Variants in VAT1L observed in about 807,000 individuals in gnomAD.
The protein encoded by VAT1L is vesicle amine transport 1 like, also known as putative NADPH-dependent quinone oxidoreductase VAT1L.
In VAT1L, 34 loss-of-function variants were observed where a neutral mutation model predicts 44.1. The ratio of observed to expected loss-of-function variants is 0.77; its 90% CI spans 0.59 to 1.03. The LOEUF is 1.03. Ranked by LOEUF, VAT1L falls within the 50% of genes least tolerant of loss-of-function variation. The probability of loss-of-function intolerance (pLI) is 0.00; values close to 1 mark genes in which losing one functional copy is unlikely to be tolerated. For missense variants in VAT1L, 615 were observed against 538.8 expected (o/e 1.14, Z -1.40); for synonymous variants, 253 against 202.2 (o/e 1.25, Z -2.13).
In VAT1L at chr16:77,856,954, G is replaced by C. The variant is rs138736603; in HGVS notation, c.580-5794G>C. Among the ~76,000 whole-genome samples the C allele has an allele frequency of 3.9e-3, 596 of 152,254 alleles. 3 individuals are homozygous for C. Among genetic ancestry groups the C allele is most frequent in the South Asian group, 0.017 (81 of 4,820 alleles). ...TTTCTCTCTGAATCCCCATGTTTACGTATGAAAAGAAGACACAAATACTTA... is the reference window on the plus strand; with the variant it reads ...TTTCTCTCTGAATCCCCATGTTTACCTATGAAAAGAAGACACAAATACTTA... On this transcript the variant is annotated intron_variant, in intron 3 of 8. Transcript: ENST00000302536.
chr16:77,906,064 G>C (rs899369974), intron 7 of VAT1L, among the ~76,000 whole-genome samples: 8 of 152,160 alleles, frequency 5.3e-5, no homozygotes, highest in Non-Finnish European at 8.8e-5. Context: ...TGTCCCCCCA[G>C]TAATGAGTGT....
chr16:77,940,347 T>G (rs1597110457), intron 7 of VAT1L, among the ~76,000 whole-genome samples: 1 of 145,892 alleles, frequency 6.9e-6, no homozygotes, highest in Non-Finnish European at 1.5e-5. Context: ...TTGGTTTTTT[T>G]TTTTTTTTTT....
At chr16:77,935,465 G>C (rs2017783098) in intron 7 of VAT1L, among the ~76,000 whole-genome samples, 1 of 144,366 alleles carries the variant, frequency 6.9e-6, no homozygotes, top group Non-Finnish European at 1.5e-5. Context: ...CTTGTGCTCA[G>C]TATTTCCTCC....
Position 77,977,990 on chromosome 16 carries a change from A to G in VAT1L, c.*295A>G. 1 of 310,376 alleles carries G rather than the reference A, an allele frequency of 3.2e-6. No individual in the cohort carries two copies. Among genetic ancestry groups the G allele is most frequent in the Non-Finnish European group, 6.2e-6 (1 of 162,594 alleles). The allele number at this position is 310,376 out of a possible 1,614,324, so 19.2% of individuals were successfully genotyped here. On this transcript the variant is annotated 3_prime_UTR_variant, in exon 9 of 9. Transcript: ENST00000302536. ...TTCTAGAACAGCCTTGCAAATTAAT[A>G]CAAGTCCCAGGCCCAATGCCTAAGA...
intron 2 of VAT1L, among the ~76,000 whole-genome samples, chr16:77,817,961 T>C (rs886591714): frequency 6.6e-6 from 1 of 152,116 alleles, no homozygotes; most frequent in African/African-American, 2.4e-5. Context: ...GCCTCCACCA[T>C]AGCCCTGCAA....
At chr16:77,829,978 G>A (rs952756252) in intron 3 of VAT1L, among the ~76,000 whole-genome samples, 3 of 152,082 alleles carry the variant, frequency 2.0e-5, no homozygotes, top group Admixed American at 6.6e-5. Context: ...AGTGAACCTA[G>A]GTGCCAGCAT....
chr16:77,924,894 C>T (rs1435349251), intron 7 of VAT1L, among the ~76,000 whole-genome samples: 1 of 152,202 alleles, frequency 6.6e-6, no homozygotes, highest in African/African-American at 2.4e-5. Context: ...ATAGCCAGCT[C>T]AGTCTCTGTA....
Position 77,820,815 on chromosome 16 carries a change from C to G in VAT1L, c.363+3765C>G, listed in dbSNP as rs3909915. 7.8e-3 allele frequency among the ~76,000 whole-genome samples: 1,194 copies of G among 152,246 alleles called. 5 individuals are homozygous for G. The highest frequency in any genetic ancestry group is 0.013 in the Non-Finnish European group (884 of 68,008). On this transcript the variant is annotated intron_variant, in intron 2 of 8. Coordinates refer to ENST00000302536, the MANE Select transcript of VAT1L (RefSeq NM_020927.3). ...AGGTCACATAAATAAAGGCACTTAG[C>G]GCAGATTCAGGAACATATTAGTTTT...
At chr16:77,971,772 T>C (rs2018280277) in intron 7 of VAT1L, 78 bp from the exon 8 acceptor site, 3 of 1,477,068 alleles carry the variant, frequency 2.0e-6, no homozygotes, top group African/African-American at 2.8e-5. Context: ...ACTTGACAGT[T>C]TGAGTTCTCC....
chr16:77,858,910 C>T (rs377326892), intron 3 of VAT1L, among the ~76,000 whole-genome samples: 274 of 151,968 alleles, frequency 1.8e-3, no homozygotes, highest in East Asian at 0.013. Context: ...CCGAGGCGGG[C>T]GGGTCACCTG....
chr16:77,876,257 C>T lies in VAT1L; in HGVS notation c.723-113C>T, dbSNP rs1380263672. On this transcript the variant is annotated intron_variant, in intron 4 of 8. Transcript: ENST00000302536. Reference sequence around the variant, plus strand: ...GCCCTATTTATTGCTACTCCTGGAGCTTTCAGGGTTCCTAATTCTGAGAGT... The same window carrying T: ...GCCCTATTTATTGCTACTCCTGGAGTTTTCAGGGTTCCTAATTCTGAGAGT... 7.9e-5 allele frequency: 70 copies of T among 886,556 alleles called. No homozygotes were observed. The South Asian group carries it at 9.5e-4, about 12-fold the overall frequency. The allele number at this position is 886,556 out of a possible 1,614,324, so 54.9% of individuals were successfully genotyped here.
intron 4 of VAT1L, among the ~76,000 whole-genome samples, chr16:77,874,271 G>A (rs2017064228): frequency 6.6e-6 from 1 of 151,994 alleles, no homozygotes; most frequent in Non-Finnish European, 1.5e-5. Flanking sequence ...TCAGGAGGGT[G>A]GGCTGGTAAA....
intron 3 of VAT1L, among the ~76,000 whole-genome samples, chr16:77,852,913 A>G (rs900212127): frequency 6.6e-6 from 1 of 152,130 alleles, no homozygotes; most frequent in African/African-American, 2.4e-5. Context: ...ACTAGTACCT[A>G]CCTCATAAAG....
chr16:77,925,134 GGTTACTGC>G (rs1343024846), intron 7 of VAT1L, among the ~76,000 whole-genome samples: 2 of 152,072 alleles, frequency 1.3e-5, no homozygotes, highest in African/African-American at 4.8e-5. Flanking sequence ...ACCAAGCAAT[GGTTACTGC>G]CAGGGCACAC....
intron 7 of VAT1L, among the ~76,000 whole-genome samples, chr16:77,907,561 C>T (rs2017451454): frequency 6.6e-6 from 1 of 152,172 alleles, no homozygotes; most frequent in Non-Finnish European, 1.5e-5. Flanking sequence ...ACACCCTATG[C>T]CCAGCTCAAG....
At chr16:77,971,656 A>T (rs1290287485) in intron 7 of VAT1L, among the ~76,000 whole-genome samples, 194 bp from the exon 8 acceptor site, 1 of 152,122 alleles carries the variant, frequency 6.6e-6, no homozygotes, top group Non-Finnish European at 1.5e-5. Flanking sequence ...AGATGTTTGC[A>T]CAAGATCAGT....
intron 3 of VAT1L, among the ~76,000 whole-genome samples, chr16:77,825,881 G>T (rs976805101): frequency 6.6e-6 from 1 of 150,714 alleles, no homozygotes; most frequent in African/African-American, 2.4e-5. Context: ...AAATTAGCCG[G>T]GCGTAGTGGC....
At chr16:77,842,175 C>T (rs1200015574) in intron 3 of VAT1L, among the ~76,000 whole-genome samples, 2 of 152,132 alleles carry the variant, frequency 1.3e-5, no homozygotes, top group Non-Finnish European at 2.9e-5. Flanking sequence ...GCGTGAGCCA[C>T]CGCGCCCAGT....
intron 1 of VAT1L, among the ~76,000 whole-genome samples, chr16:77,808,333 G>T (rs888245346): frequency 6.6e-6 from 1 of 151,970 alleles, no homozygotes; most frequent in African/African-American, 2.4e-5. Context: ...CGAGTTGTAG[G>T]AAAACAACCT....
Sources: allele counts gnomAD v4.1 joint callset (sites outside exome capture counted in the v4.1 genomes callset), GRCh38; gene constraint gnomAD v4.1.1; transcripts MANE v1.5; gene names NCBI Gene and HGNC (gene_info 2026-07-23, HGNC 2026-07-21).